NKAIN2: variants seen among roughly 807,000 people sequenced by gnomAD.
NKAIN2 encodes sodium/potassium transporting ATPase interacting 2, also known as sodium/potassium-transporting ATPase subunit beta-1-interacting protein 2.
A neutral mutation model predicts 32.6 loss-of-function variants in NKAIN2; 14 were observed. That is an observed-to-expected ratio of 0.43 (90% CI 0.28 to 0.67). The LOEUF (loss-of-function observed/expected upper bound fraction) is 0.67. Among genes scored for constraint, NKAIN2 ranks in the 30% least tolerant of loss-of-function variants. The pLI, the probability that NKAIN2 is intolerant of heterozygous loss-of-function variation, is 0.17. For missense variants in NKAIN2, 198 were observed against 258.3 expected (o/e 0.77, Z 1.60); for synonymous variants, 80 against 87.2 (o/e 0.92, Z 0.46).
At chr6:123,930,107 C>T (rs1776185680) in intron 1 of NKAIN2, among the ~76,000 whole-genome samples, 1 of 151,980 alleles carries the variant, frequency 6.6e-6, no homozygotes, top group Non-Finnish European at 1.5e-5. Flanking sequence ...TACAACTCTT[C>T]AAAATAAAAA....
At chr6:124,231,346 T>C (rs940590893) in intron 1 of NKAIN2, among the ~76,000 whole-genome samples, 1 of 152,206 alleles carries the variant, frequency 6.6e-6, no homozygotes, top group South Asian at 2.1e-4. Context: ...GATAAGACTT[T>C]AGACTGTCAA....
At chr6:124,590,495 G>A (rs1781870802) in intron 3 of NKAIN2, among the ~76,000 whole-genome samples, 1 of 142,912 alleles carries the variant, frequency 7.0e-6, no homozygotes, top group South Asian at 2.2e-4. Flanking sequence ...CAAAGACAAG[G>A]GGATGTGGCG....
chr6:124,411,390 C>A (rs1343577768), intron 3 of NKAIN2, among the ~76,000 whole-genome samples: 4 of 149,106 alleles, frequency 2.7e-5, no homozygotes, highest in African/African-American at 5.0e-5. Context: ...GTGACAAAAT[C>A]TCTCAGCATT....
At chr6:124,185,504 G>A (rs1789671458) in intron 1 of NKAIN2, among the ~76,000 whole-genome samples, 2 of 152,106 alleles carry the variant, frequency 1.3e-5, no homozygotes, top group African/African-American at 4.8e-5. Context: ...ATAAAAGACT[G>A]TGTCTACTGT....
chr6:123,993,357 A>G (rs1779490766), intron 1 of NKAIN2, among the ~76,000 whole-genome samples: 1 of 152,182 alleles, frequency 6.6e-6, no homozygotes, highest in South Asian at 2.1e-4. Flanking sequence ...CAGCAGCCTG[A>G]TTATCATTAG....
At chr6:124,450,210 T>C (rs1344462092) in intron 3 of NKAIN2, among the ~76,000 whole-genome samples, 1 of 152,094 alleles carries the variant, frequency 6.6e-6, no homozygotes, top group African/African-American at 2.4e-5. Context: ...TTAGTTTTTA[T>C]GATCCATCAA....
At chr6:123,891,887 A>G (rs1774036395) in intron 1 of NKAIN2, among the ~76,000 whole-genome samples, 1 of 152,318 alleles carries the variant, frequency 6.6e-6, no homozygotes, top group East Asian at 1.9e-4. Flanking sequence ...TTGGTTGTCA[A>G]GCACTTTCTC....
At chr6:124,317,089 G>C (rs1472471268) in intron 2 of NKAIN2, among the ~76,000 whole-genome samples, 2 of 151,856 alleles carry the variant, frequency 1.3e-5, no homozygotes, top group African/African-American at 4.8e-5. Context: ...CTCTAGCTTA[G>C]GGGATTAAGG....
At chr6:124,463,793 C>A (rs991743415) in intron 3 of NKAIN2, among the ~76,000 whole-genome samples, 1 of 151,852 alleles carries the variant, frequency 6.6e-6, no homozygotes, top group Non-Finnish European at 1.5e-5. Flanking sequence ...GTTTTTATTG[C>A]GATTTAAGAT....
At chr6:124,558,182 C>T (rs190470849) in intron 3 of NKAIN2, among the ~76,000 whole-genome samples, 114 of 152,258 alleles carry the variant, frequency 7.5e-4, no homozygotes, top group African/African-American at 2.7e-3. Flanking sequence ...TTAAAAAGGC[C>T]AGACAGAATG....
At chr6:124,183,908 C>T (rs1308765039) in intron 1 of NKAIN2, among the ~76,000 whole-genome samples, 2 of 152,010 alleles carry the variant, frequency 1.3e-5, no homozygotes, top group Admixed American at 1.3e-4. Flanking sequence ...TGTAGAACTA[C>T]AGAAATAGTG....
chr6:124,535,742 T>A (rs547570843), intron 3 of NKAIN2, among the ~76,000 whole-genome samples: 1 of 152,314 alleles, frequency 6.6e-6, no homozygotes, highest in South Asian at 2.1e-4. Context: ...TGATGAAAGT[T>A]CAATTTTTGC....
chr6:124,008,916 G>T (rs920256237), intron 1 of NKAIN2, among the ~76,000 whole-genome samples: 2 of 152,292 alleles, frequency 1.3e-5, no homozygotes, highest in African/African-American at 4.8e-5. Flanking sequence ...CAGTAGAATT[G>T]TGTGTTGCCA....
At chr6:124,311,248 A>G (rs1196674918) in intron 2 of NKAIN2, among the ~76,000 whole-genome samples, 1 of 152,118 alleles carries the variant, frequency 6.6e-6, no homozygotes, top group Non-Finnish European at 1.5e-5. Flanking sequence ...GTTGGACAAT[A>G]CTGAGAAGCC....
chr6:124,156,423 G>A (rs1787990093), intron 1 of NKAIN2, among the ~76,000 whole-genome samples: 1 of 152,164 alleles, frequency 6.6e-6, no homozygotes, highest in South Asian at 2.1e-4. Context: ...TGTAGGAAGG[G>A]TGCTCAAGGG....
At chr6:124,205,558 CA>C (rs747124970) in intron 1 of NKAIN2, among the ~76,000 whole-genome samples, 85 of 151,594 alleles carry the variant, frequency 5.6e-4, no homozygotes, top group Non-Finnish European at 1.1e-3. Context: ...ACCCAGTCAT[CA>C]AAATAGATTA....
At chr6:124,263,056 A>G (rs1438863744) in intron 1 of NKAIN2, among the ~76,000 whole-genome samples, 1 of 152,204 alleles carries the variant, frequency 6.6e-6, no homozygotes, top group Non-Finnish European at 1.5e-5. Context: ...TGTTATAATT[A>G]AAAACTTATT....
chr6:124,315,021 TGTAA>T (rs1301496696), intron 2 of NKAIN2, among the ~76,000 whole-genome samples: 1 of 152,160 alleles, frequency 6.6e-6, no homozygotes, highest in Non-Finnish European at 1.5e-5. Flanking sequence ...ATACTAATTA[TGTAA>T]GTTTTTTATA....
intron 3 of NKAIN2, among the ~76,000 whole-genome samples, chr6:124,565,586 C>T (rs968709487): frequency 1.3e-5 from 2 of 152,144 alleles, no homozygotes; most frequent in Non-Finnish European, 2.9e-5. Flanking sequence ...TGATTCCGTG[C>T]GAAACACCAC....
Sources: allele counts gnomAD v4.1 joint callset (sites outside exome capture counted in the v4.1 genomes callset), GRCh38; gene constraint gnomAD v4.1.1; transcripts MANE v1.5; gene names NCBI Gene and HGNC (gene_info 2026-07-23, HGNC 2026-07-21).